The following EDIL3 variants were observed in gnomAD, a reference collection of about 807,000 sequenced individuals.
EDIL3 encodes EGF-like repeat and discoidin I-like domain-containing protein 3.
EDIL3 carries 37 observed loss-of-function variants against 67.4 expected under a neutral mutation model. The observed-to-expected ratio is 0.55, with a 90% confidence interval of 0.42 to 0.72. The LOEUF is 0.72. Among genes scored for constraint, EDIL3 ranks in the 30% least tolerant of loss-of-function variants. EDIL3 has a pLI of 0.00. For missense variants in EDIL3, 527 were observed against 586.3 expected (o/e 0.90, Z 1.04); for synonymous variants, 195 against 196.3 (o/e 0.99, Z 0.05).
At chr5:84,347,117 A>G (rs767336433) in intron 1 of EDIL3, among the ~76,000 whole-genome samples, 5 of 152,158 alleles carry the variant, frequency 3.3e-5, no homozygotes, top group Non-Finnish European at 7.4e-5. Flanking sequence ...TTCTTCATCT[A>G]TATATTTAGG....
At chr5:84,020,299 T>A (rs1011963457) in intron 9 of EDIL3, among the ~76,000 whole-genome samples, 1 of 152,048 alleles carries the variant, frequency 6.6e-6, no homozygotes, top group African/African-American at 2.4e-5. Context: ...CTCAAATTTA[T>A]ATTCACCCAA....
intron 3 of EDIL3, among the ~76,000 whole-genome samples, chr5:84,211,336 C>T (rs553500063): frequency 6.6e-6 from 1 of 152,318 alleles, no homozygotes; most frequent in South Asian, 2.1e-4. Context: ...CTGCTCCTCT[C>T]TGCCTGTCAC....
chr5:83,974,148 T>C (rs1004050497), intron 9 of EDIL3, among the ~76,000 whole-genome samples: 2 of 151,896 alleles, frequency 1.3e-5, no homozygotes, highest in African/African-American at 4.8e-5. Context: ...TAGTTGGGTA[T>C]GTGCATGTTT....
intron 1 of EDIL3, among the ~76,000 whole-genome samples, chr5:84,314,539 T>G (rs535876357): frequency 1.3e-5 from 2 of 152,334 alleles, no homozygotes; most frequent in African/African-American, 4.8e-5. Flanking sequence ...GTTAAAAGGT[T>G]TCCTAGATTT....
intron 9 of EDIL3, among the ~76,000 whole-genome samples, chr5:83,989,454 G>T (rs536006755): frequency 6.6e-6 from 1 of 152,162 alleles, no homozygotes; most frequent in African/African-American, 2.4e-5. Context: ...TCGCTTTGCT[G>T]GTTCTGTCTC....
intron 1 of EDIL3, among the ~76,000 whole-genome samples, chr5:84,277,795 A>AT (rs1299602675): frequency 2.0e-5 from 3 of 152,166 alleles, no homozygotes; most frequent in Non-Finnish European, 4.4e-5. Context: ...ATCAAAATTG[A>AT]TTTTTTTAAT....
At chr5:83,977,895 T>C (rs1178494479) in intron 9 of EDIL3, among the ~76,000 whole-genome samples, 1 of 151,852 alleles carries the variant, frequency 6.6e-6, no homozygotes, top group Admixed American at 6.6e-5. Context: ...AATAACAGAT[T>C]TCCTATTCAC....
intron 1 of EDIL3, among the ~76,000 whole-genome samples, chr5:84,345,225 C>T (rs540948471): frequency 6.6e-6 from 1 of 152,128 alleles, no homozygotes; most frequent in South Asian, 2.1e-4. Flanking sequence ...GTTCTCTTGC[C>T]TATAGAAAGA....
chr5:84,332,601 T>C (rs1054559559), intron 1 of EDIL3, among the ~76,000 whole-genome samples: 18 of 152,154 alleles, frequency 1.2e-4, no homozygotes, highest in African/African-American at 3.9e-4. Context: ...AGTAGAGACA[T>C]AGGGTCTTGC....
Position 84,141,939 on chromosome 5 carries a change from A to C in EDIL3, c.356-4585T>G, listed in dbSNP as rs1211123894. ...TATATATATACACATATATATATAT[A>C]TATATATACATAGATCTATCTATCT... On this transcript the variant is annotated intron_variant, in intron 4 of 10. Coordinates refer to ENST00000296591, the MANE Select transcript of EDIL3 (RefSeq NM_005711.5). Among the ~76,000 whole-genome samples, 76 of 97,204 alleles carry C rather than the reference A, an allele frequency of 7.8e-4. 1 individual carries two copies. The highest frequency in any genetic ancestry group is 2.7e-3 in the East Asian group (7 of 2,592). 63.8% of individuals were successfully genotyped at this position (97,204 alleles called of 152,430 possible).
At chr5:84,200,098 T>G (rs1469219235) in intron 3 of EDIL3, among the ~76,000 whole-genome samples, 2 of 152,094 alleles carry the variant, frequency 1.3e-5, no homozygotes, top group East Asian at 3.9e-4. Context: ...TTTTCATAAG[T>G]GAATTTATTT....
chr5:84,063,219 A>T (rs187357652), intron 8 of EDIL3, among the ~76,000 whole-genome samples: 20 of 152,176 alleles, frequency 1.3e-4, no homozygotes, highest in African/African-American at 3.9e-4. Flanking sequence ...GCAACTAAAA[A>T]CCATGTGGCT....
intron 1 of EDIL3, among the ~76,000 whole-genome samples, chr5:84,320,005 G>C (rs918627319): frequency 6.6e-6 from 1 of 152,056 alleles, no homozygotes; most frequent in Non-Finnish European, 1.5e-5. Context: ...CTGTCAGGGG[G>C]TGGGTGCCTG....
intron 1 of EDIL3, among the ~76,000 whole-genome samples, chr5:84,312,364 CG>C (rs1270530859): frequency 7.1e-6 from 1 of 141,488 alleles, no homozygotes; most frequent in African/African-American, 2.6e-5. Context: ...CCGGACGGGG[CG>C]GCTGGCCGGG....
At chr5:84,130,008 A>G (rs1181677864) in intron 5 of EDIL3, among the ~76,000 whole-genome samples, 1 of 152,176 alleles carries the variant, frequency 6.6e-6, no homozygotes, top group African/African-American at 2.4e-5. Flanking sequence ...GAGGATAAAC[A>G]AAGGATGTGT....
chr5:84,242,878 C>T (rs930909917), intron 2 of EDIL3, among the ~76,000 whole-genome samples: 16 of 149,076 alleles, frequency 1.1e-4, no homozygotes, highest in Non-Finnish European at 2.1e-4. Flanking sequence ...ATATGTGTAA[C>T]AGGCACAGCT....
chr5:84,213,351 T>G (rs1418143445), intron 3 of EDIL3, among the ~76,000 whole-genome samples: 1 of 152,220 alleles, frequency 6.6e-6, no homozygotes, highest in Non-Finnish European at 1.5e-5. Context: ...TCTTGGTAGC[T>G]GAGTACTTGC....
At chr5:84,312,066 G>A (rs1429562827) in intron 1 of EDIL3, among the ~76,000 whole-genome samples, 1 of 152,116 alleles carries the variant, frequency 6.6e-6, no homozygotes, top group Non-Finnish European at 1.5e-5. Flanking sequence ...TTCTCAATGA[G>A]CTGTTGGGTA....
Position 84,064,844 on chromosome 5 carries a change from C to T in EDIL3, c.808G>A (p.Val270Met). 2.5e-6 allele frequency: 4 copies of T among 1,607,402 alleles called. No individual in the cohort carries two copies. The highest frequency in any genetic ancestry group is 3.4e-6 in the Non-Finnish European group (4 of 1,177,172). Residue 270 changes from valine (V) to methionine (M), a missense_variant and splice_region_variant, in exon 8 of 11, where the codon GTG (valine) becomes ATG (methionine). Val to Met is a conservative substitution (Grantham distance 21, BLOSUM62 1). This residue lies in a region of EDIL3 where 494 missense variants were observed against 522.5 expected (regional missense o/e 0.95). Coordinates refer to ENST00000296591, the MANE Select transcript of EDIL3 (RefSeq NM_005711.5). ...TTGTTATCAATGTTTCCACGAAACA[C>T]CTGTGTAAAAACAGTTTAAAATTAT... is the stretch of plus-strand genomic sequence containing the variant. ...YKVKGTNEDM[V>M]FRGNIDNNTP...
Sources: gnomAD v4.1 joint callset for allele counts (sites outside exome capture counted in the v4.1 genomes callset) on GRCh38, gnomAD v4.1.1 for gene constraint, gnomAD v4.1.1 regional missense constraint, MANE v1.5 for transcripts, NCBI Gene and HGNC (gene_info 2026-07-23, HGNC 2026-07-21) for gene names.